Variants in EFCAB7 observed in about 807,000 individuals in gnomAD.
The protein encoded by EFCAB7 is EF-hand calcium-binding domain-containing protein 7.
A neutral mutation model predicts 77.1 loss-of-function variants in EFCAB7; 66 were observed. The ratio of observed to expected loss-of-function variants is 0.86; its 90% confidence interval spans 0.70 to 1.05. The LOEUF (loss-of-function observed/expected upper bound fraction) is 1.05. Among genes scored for constraint, EFCAB7 ranks in the 50% least tolerant of loss-of-function variants. The pLI is 0.00. For missense variants in EFCAB7, 638 were observed against 730.5 expected (o/e 0.87, Z 1.46); for synonymous variants, 225 against 243.3 (o/e 0.92, Z 0.70).
At chr1:63,575,410 C>T (rs1022126694), downstream of EFCAB7, among the ~76,000 whole-genome samples, 1 of 151,696 alleles carries the variant, frequency 6.6e-6, no homozygotes, top group African/African-American at 2.4e-5. Flanking sequence ...GGATATAATC[C>T]AAGAAAATGG....
Position 63,555,472 on chromosome 1 carries a change from T to C in EFCAB7, c.1171T>C (p.Tyr391His), listed in dbSNP as rs775707709. The C allele has an allele frequency of 3.6e-5, 58 of 1,613,796 alleles. No homozygotes were observed. In the East Asian group the frequency reaches 1.1e-3, roughly 30 times the overall value. ...KPVTDEAQLV[Y>H]RDETGELFLT... ...AGTAACAGATGAAGCCCAACTTGTA[T>C]ATAGAGATGAAACAGGGGAATTATT... Residue 391 changes from tyrosine to histidine, a missense_variant, in exon 9 of 14, where the codon TAT becomes CAT. Coordinates refer to ENST00000371088, the MANE Select transcript of EFCAB7 (RefSeq NM_032437.4).
the EFCAB7 span, among the ~76,000 whole-genome samples, chr1:63,584,458 C>A: frequency 6.6e-6 from 1 of 152,022 alleles, no homozygotes. Context: ...AGGCTGAGGC[C>A]AGAGGATCAC....
At chr1:63,571,155 C>T in intron 13 of EFCAB7, 27 bp downstream of exon 13, 2 of 1,536,888 alleles carry the variant, frequency 1.3e-6, no homozygotes, top group Non-Finnish European at 1.8e-6. Flanking sequence ...TAATTAAAGC[C>T]TTTTGTTTTA....
chr1:63,556,750 C>T (rs1236659028), intron 9 of EFCAB7, among the ~76,000 whole-genome samples: 5 of 151,650 alleles, frequency 3.3e-5, no homozygotes, highest in Non-Finnish European at 7.4e-5. Flanking sequence ...CAGCCAGGCG[C>T]GGTGGTTCAC....
At chr1:63,536,539 C>T (rs149028724) in intron 6 of EFCAB7, among the ~76,000 whole-genome samples, 30 of 152,216 alleles carry the variant, frequency 2.0e-4, no homozygotes, top group African/African-American at 6.7e-4. Flanking sequence ...TGCCACCATG[C>T]CTGGATAATT....
At chr1:63,580,349 C>T in the EFCAB7 span, among the ~76,000 whole-genome samples, 2 of 152,034 alleles carry the variant, frequency 1.3e-5, no homozygotes, top group Non-Finnish European at 2.9e-5. Context: ...TGCTCTTGTA[C>T]CTTTGTTGAA....
chr1:63,573,226 T>C (rs2100934053), downstream of EFCAB7, among the ~76,000 whole-genome samples: 1 of 151,540 alleles, frequency 6.6e-6, no homozygotes. Flanking sequence ...CTGCTTCGAG[T>C]GGGATTAGGG....
chr1:63,561,564 C>T lies in EFCAB7; in HGVS notation c.1349-145C>T, dbSNP rs575728854. Reference sequence around the variant, plus strand: ...AATAGCTCTCAATAATGTTTTGAGCCATTTTTATTCCACTTTTATCCTGCT... The same window carrying T: ...AATAGCTCTCAATAATGTTTTGAGCTATTTTTATTCCACTTTTATCCTGCT... On this transcript the variant is annotated intron_variant, in intron 10 of 13. Transcript: ENST00000371088. 9.4e-5 allele frequency: 42 copies of T among 446,116 alleles called. No homozygotes were observed. The East Asian group carries it at 1.5e-3, about 16-fold the overall frequency. 27.6% of individuals were successfully genotyped at this position (446,116 alleles called of 1,614,324 possible). A position where few individuals can be genotyped will look rare whatever the true frequency, so the allele number is the denominator to read the frequency against.
chr1:63,558,127 T>C (rs1200070797), intron 10 of EFCAB7, among the ~76,000 whole-genome samples: 1 of 152,206 alleles, frequency 6.6e-6, no homozygotes, highest in Non-Finnish European at 1.5e-5. Flanking sequence ...TATTGATTTA[T>C]AATATTAAAC....
intron 6 of EFCAB7, among the ~76,000 whole-genome samples, chr1:63,535,780 T>C (rs555332368): frequency 1.3e-5 from 2 of 152,194 alleles, no homozygotes; most frequent in African/African-American, 4.8e-5. Flanking sequence ...TAATAAATAC[T>C]AGTATTAATA....
In EFCAB7 at chr1:63,551,739, T is replaced by C; in HGVS notation, c.961T>C (p.Trp321Arg). The C allele has an allele frequency of 1.3e-6, 2 of 1,543,674 alleles. No homozygotes were observed. The highest frequency in any genetic ancestry group is 8.7e-7 in the Non-Finnish European group (1 of 1,147,064). Residue 321 changes from tryptophan to arginine, a missense_variant, in exon 8 of 14, where the codon TGG (tryptophan) becomes CGG (arginine). Trp to Arg is a moderately radical substitution (Grantham distance 101). Coordinates refer to ENST00000371088, the MANE Select transcript of EFCAB7 (RefSeq NM_032437.4). ...LSQVEGKPSP[W>R]LSVDTALYIL... ...TTTGTTTGTAGGAAAACCATCCCCT[T>C]GGTTATCCGTTGATACTGCCTTGTA...
chr1:63,547,388 C>T (rs1053963999), intron 7 of EFCAB7: 1 of 152,044 alleles, frequency 6.6e-6, no homozygotes, highest in African/African-American at 2.4e-5. Flanking sequence ...ACATAATAAA[C>T]ATAATAAATA....
downstream of EFCAB7, among the ~76,000 whole-genome samples, chr1:63,575,220 G>A (rs1553175220): frequency 6.6e-6 from 1 of 151,826 alleles, no homozygotes; most frequent in Non-Finnish European, 1.5e-5. Context: ...ATCAAGTACT[G>A]TTATATATAT....
At position 63,557,170 on chromosome 1, in the gene EFCAB7, G is replaced by GCCTT; in HGVS notation, c.1272_1275dup (p.Glu426ProfsTer2). ...GATTTAGATGGAAATGGTCTTCTTA[G>GCCTT]CCTTGAAGAATATAATTTTTTTGAA... On this transcript the variant is annotated frameshift_variant, in exon 10 of 14. Coordinates refer to ENST00000371088, the MANE Select transcript of EFCAB7 (RefSeq NM_032437.4). LOFTEE classifies it high-confidence loss of function. 1 of 1,608,462 alleles carries GCCTT rather than the reference G, an allele frequency of 6.2e-7. No homozygotes were observed. The highest frequency in any genetic ancestry group is 8.5e-7 in the Non-Finnish European group (1 of 1,178,262).
chr1:63,572,905 A>C (rs192729382), downstream of EFCAB7, among the ~76,000 whole-genome samples: 1 of 152,208 alleles, frequency 6.6e-6, no homozygotes, highest in Admixed American at 6.5e-5. Flanking sequence ...CGGGAGTCAC[A>C]AGGTGCTCAG....
intron 13 of EFCAB7, among the ~76,000 whole-genome samples, chr1:63,571,657 T>A (rs1453172993): frequency 9.2e-6 from 1 of 108,606 alleles, no homozygotes; most frequent in East Asian, 2.6e-4. Flanking sequence ...GCGACAAGAG[T>A]GAGACTCTGT....
rs752645562 is a variant in EFCAB7 at position 63,546,056 on chromosome 1, A to C, written c.945A>C (p.Glu315Asp). The C allele has an allele frequency of 1.9e-6, 3 of 1,603,012 alleles. No homozygotes were observed. Among genetic ancestry groups the C allele is most frequent in the Admixed American group, 1.8e-5 (1 of 55,764 alleles). ...AGCCATTAAACCTGAGTCAAGTTGA[A>C]GGCAAGTTTAAGTTTTTTGTATATT... Reference protein sequence around the residue: ...TIKPLNLSQVEGKPSPWLSVD... With the variant: ...TIKPLNLSQVDGKPSPWLSVD... The change falls in exon 7 of 14, where the codon GAA becomes GAC. Residue 315 changes from glutamate to aspartate, a missense_variant and splice_region_variant. Coordinates refer to ENST00000371088, the MANE Select transcript of EFCAB7 (RefSeq NM_032437.4).
At chr1:63,569,918 C>G (rs1281212983) in intron 12 of EFCAB7, 1 of 152,152 alleles carries the variant, frequency 6.6e-6, no homozygotes, top group Non-Finnish European at 1.5e-5. Flanking sequence ...CTACGTTACC[C>G]CAACCCCTCT....
At position 63,544,048 on chromosome 1, in the gene EFCAB7, C is replaced by T. The variant is rs1439385876; in HGVS notation, c.805-1868C>T. Among the ~76,000 whole-genome samples the T allele has an allele frequency of 4.7e-5, 7 of 149,436 alleles. No homozygotes were observed. In the South Asian group the frequency reaches 6.3e-4, roughly 13 times the overall value. ...GTAGTGGCATGATCATGGCTCACTG[C>T]AACCTCCATCTCCCAGGTTCAAGCG... is the stretch of plus-strand genomic sequence containing the variant. On this transcript the variant is annotated intron_variant, in intron 6 of 13. Coordinates refer to ENST00000371088, the MANE Select transcript of EFCAB7 (RefSeq NM_032437.4).
Sources: allele counts gnomAD v4.1 joint callset (sites outside exome capture counted in the v4.1 genomes callset), GRCh38; gene constraint gnomAD v4.1.1; transcripts MANE v1.5; gene names NCBI Gene and HGNC (gene_info 2026-07-23, HGNC 2026-07-21).